The following NRXN1 variants were observed in gnomAD, a reference collection of about 807,000 sequenced individuals.
NRXN1 encodes the protein neurexin-1.
Under a neutral mutation model 150.9 loss-of-function variants are expected in NRXN1, and 39 were observed. That is an observed-to-expected ratio of 0.26 (90% CI 0.20 to 0.34). The LOEUF is 0.34. NRXN1 is among the 10% of genes least tolerant of loss of function. NRXN1 has a pLI of 1.00. For synonymous variants in NRXN1, 924 were observed against 757.0 expected (o/e 1.22, Z -3.62); for missense variants, 1,815 against 1,949.9 (o/e 0.93, Z 1.30).
At chr2:50,865,579 A>AGTGTGTGTGTGTGTGTGT (rs1676763792) in intron 5 of NRXN1, among the ~76,000 whole-genome samples, 1 of 93,880 alleles carries the variant, frequency 1.1e-5, no homozygotes, top group African/African-American at 4.2e-5. Context: ...CAAATATATA[A>AGTGTGTGTGTGTGTGTGT]ATGTGTGTGT....
Position 50,903,802 on chromosome 2 carries a change from T to C in NRXN1, c.832+18067A>G, listed in dbSNP as rs185778326. On this transcript the variant is annotated intron_variant, in intron 5 of 22. Coordinates refer to ENST00000401669, the MANE Select transcript of NRXN1 (RefSeq NM_001330078.2). ...GCTCAAAGGTACTTTCAGGATAAAA[T>C]TGAACTTCTGTGATTTACTCATTTG... Among the ~76,000 whole-genome samples, 294 of 152,284 alleles carry C rather than the reference T, an allele frequency of 1.9e-3. 1 individual carries two copies. The highest frequency in any genetic ancestry group is 6.7e-3 in the African/African-American group (279 of 41,564).
chr2:50,997,294 T>C (rs1699444102), intron 2 of NRXN1, among the ~76,000 whole-genome samples: 1 of 151,968 alleles, frequency 6.6e-6, no homozygotes, highest in South Asian at 2.1e-4. Flanking sequence ...ATTAGCCAAG[T>C]GCAGTGGTAT....
At chr2:50,177,811 C>CTCT (rs1217471920) in intron 18 of NRXN1, among the ~76,000 whole-genome samples, 2 of 148,266 alleles carry the variant, frequency 1.3e-5, no homozygotes, top group African/African-American at 5.0e-5. Context: ...CTCTCTCTCT[C>CTCT]CTCCTCTCCC....
chr2:50,254,693 A>T (rs1309991479), intron 17 of NRXN1, among the ~76,000 whole-genome samples: 1 of 152,162 alleles, frequency 6.6e-6, no homozygotes, highest in Non-Finnish European at 1.5e-5. Context: ...ATAAAAAAAT[A>T]TAACTTTGGT....
At chr2:50,451,541 C>T (rs2086965653) in intron 17 of NRXN1, among the ~76,000 whole-genome samples, 1 of 152,128 alleles carries the variant, frequency 6.6e-6, no homozygotes, top group South Asian at 2.1e-4. Flanking sequence ...TAGTACTCAC[C>T]TTGCTCTGCA....
At chr2:50,316,876 G>A (rs1343073909) in intron 17 of NRXN1, among the ~76,000 whole-genome samples, 1 of 151,894 alleles carries the variant, frequency 6.6e-6, no homozygotes, top group Non-Finnish European at 1.5e-5. Flanking sequence ...CAGTTACTGT[G>A]GAGTACAGTA....
At chr2:50,406,341 A>G (rs2082748666) in intron 17 of NRXN1, among the ~76,000 whole-genome samples, 1 of 152,164 alleles carries the variant, frequency 6.6e-6, no homozygotes, top group Admixed American at 6.5e-5. Context: ...TTAAAGAAAA[A>G]CATACTTTTA....
At chr2:50,827,037 A>G (rs942807796) in intron 5 of NRXN1, among the ~76,000 whole-genome samples, 2 of 152,182 alleles carry the variant, frequency 1.3e-5, no homozygotes, top group African/African-American at 2.4e-5. Flanking sequence ...GCCACAGCAG[A>G]AAGTGTTTGA....
chr2:50,691,367 C>A (rs1179392879), intron 5 of NRXN1, among the ~76,000 whole-genome samples: 1 of 152,024 alleles, frequency 6.6e-6, no homozygotes, highest in Admixed American at 6.6e-5. Context: ...TAACTCTCTG[C>A]GATAACAGGT....
At chr2:50,923,069 A>T (rs1686312387) in intron 3 of NRXN1, among the ~76,000 whole-genome samples, 1 of 151,810 alleles carries the variant, frequency 6.6e-6, no homozygotes, top group African/African-American at 2.4e-5. Context: ...ATGAAATTAC[A>T]TTTTTTTAAA....
intron 5 of NRXN1, among the ~76,000 whole-genome samples, chr2:50,674,785 G>A (rs1447669001): frequency 6.6e-6 from 1 of 152,030 alleles, no homozygotes; most frequent in Non-Finnish European, 1.5e-5. Flanking sequence ...AGAAGAATAT[G>A]TTTTGGAGCA....
chr2:50,419,225 A>G (rs1432175957), intron 17 of NRXN1, among the ~76,000 whole-genome samples: 1 of 152,124 alleles, frequency 6.6e-6, no homozygotes, highest in East Asian at 1.9e-4. Flanking sequence ...AATAAATAGT[A>G]TATCTGAAAG....
chr2:49,935,511 G>T (rs1286157176), intron 22 of NRXN1, among the ~76,000 whole-genome samples: 1 of 152,028 alleles, frequency 6.6e-6, no homozygotes, highest in African/African-American at 2.4e-5. Context: ...ATAACATTTT[G>T]TTTATGAGTA....
intron 22 of NRXN1, among the ~76,000 whole-genome samples, chr2:49,941,663 T>A (rs1671997220): frequency 6.6e-6 from 1 of 152,156 alleles, no homozygotes; most frequent in Non-Finnish European, 1.5e-5. Context: ...CTGTAATTAG[T>A]AAGAACTTCA....
chr2:49,993,554 T>C (rs1682387257), intron 21 of NRXN1, among the ~76,000 whole-genome samples: 2 of 152,188 alleles, frequency 1.3e-5, no homozygotes, highest in African/African-American at 4.8e-5. Context: ...TTTGGTTGAT[T>C]ATGATGTGTC....
At chr2:50,683,393 G>A (rs1249338661) in intron 5 of NRXN1, among the ~76,000 whole-genome samples, 1 of 150,844 alleles carries the variant, frequency 6.6e-6, no homozygotes, top group Non-Finnish European at 1.5e-5. Flanking sequence ...AGCACTTTGG[G>A]AGGCCGAGGT....
At chr2:50,938,958 T>A (rs1217313188) in intron 2 of NRXN1, among the ~76,000 whole-genome samples, 1 of 152,128 alleles carries the variant, frequency 6.6e-6, no homozygotes, top group Non-Finnish European at 1.5e-5. Context: ...ATGCCTATAA[T>A]CCCTGCACTT....
chr2:50,372,530 C>A (rs1024087183), intron 17 of NRXN1, among the ~76,000 whole-genome samples: 1 of 151,972 alleles, frequency 6.6e-6, no homozygotes, highest in Non-Finnish European at 1.5e-5. Context: ...GATGAATAAT[C>A]CAGTACTTTG....
chr2:50,545,992 A>G (rs1179322133), intron 9 of NRXN1, among the ~76,000 whole-genome samples: 1 of 152,190 alleles, frequency 6.6e-6, no homozygotes, highest in Non-Finnish European at 1.5e-5. Context: ...ATATATTCAG[A>G]GCAGACTCAA....
Sources: gnomAD v4.1 joint callset for allele counts (sites outside exome capture counted in the v4.1 genomes callset) on GRCh38, gnomAD v4.1.1 for gene constraint, MANE v1.5 for transcripts, NCBI Gene and HGNC (gene_info 2026-07-23, HGNC 2026-07-21) for gene names.